The following CSMD2 variants were observed in gnomAD, a reference collection of about 807,000 sequenced individuals.
CSMD2 encodes CUB and sushi domain-containing protein 2.
CSMD2 carries 130 observed loss-of-function variants against 398.5 expected under a neutral mutation model. The observed-to-expected ratio is 0.33, with a 90% CI of 0.28 to 0.38. CSMD2 has a LOEUF of 0.38. CSMD2 is among the 10% of genes least tolerant of loss of function. The pLI, the probability that CSMD2 is intolerant of heterozygous loss-of-function variation, is 1.00. For synonymous variants in CSMD2, 1,828 were observed against 1,908.5 expected (o/e 0.96, Z 1.10); for missense variants, 3,829 against 4,764.9 (o/e 0.80, Z 5.78).
chr1:33,691,965 GT>G (rs1436236226), intron 25 of CSMD2, among the ~76,000 whole-genome samples: 1 of 152,110 alleles, frequency 6.6e-6, no homozygotes, highest in Non-Finnish European at 1.5e-5. Flanking sequence ...TCAAGGCCCC[GT>G]TTTGCCAGCA....
chr1:33,965,467 CT>C (rs1645524791), intron 3 of CSMD2, among the ~76,000 whole-genome samples: 1 of 152,178 alleles, frequency 6.6e-6, no homozygotes, highest in Non-Finnish European at 1.5e-5. Flanking sequence ...TTTCAAGTTG[CT>C]CCAGCCAAGG....
At chr1:33,846,824 C>T (rs1278396682) in intron 6 of CSMD2, 60 bp downstream of exon 6, 3 of 1,078,292 alleles carry the variant, frequency 2.8e-6, no homozygotes, top group African/African-American at 3.3e-5. Context: ...GGTGATGAGC[C>T]CTCCAGGTGT....
chr1:33,700,594 C>T lies in CSMD2; in HGVS notation c.3656G>A (p.Ser1219Asn), dbSNP rs1428292249. 6.2e-7 allele frequency: 1 copy of T among 1,614,162 alleles called. No homozygotes were observed. Among genetic ancestry groups the T allele is most frequent in the South Asian group, 1.1e-5 (1 of 91,080 alleles). ...HSEMMGVTLN[S>N]TSSSLWLDFI... Reference sequence around the variant, plus strand: ...ATCAAGCCACAGACTGCTGGATGTGCTGTTCAAAGTCACCCCCATCATCTC... The same window carrying T: ...ATCAAGCCACAGACTGCTGGATGTGTTGTTCAAAGTCACCCCCATCATCTC... The change falls in exon 23 of 71, where the codon AGC becomes AAC. Residue 1219 changes from serine (S) to asparagine (N), a missense_variant. Transcript: ENST00000373381.
intron 3 of CSMD2, among the ~76,000 whole-genome samples, chr1:33,987,381 T>A (rs1646395967): frequency 6.6e-6 from 1 of 152,152 alleles, no homozygotes; most frequent in Admixed American, 6.5e-5. Context: ...TTTATTACTA[T>A]CAACATTTAG....
intron 5 of CSMD2, among the ~76,000 whole-genome samples, chr1:33,882,886 T>G (rs1641334442): frequency 6.6e-6 from 1 of 152,180 alleles, no homozygotes; most frequent in Non-Finnish European, 1.5e-5. Context: ...GGATGCAGTC[T>G]AGAGCCAACA....
Position 33,935,472 on chromosome 1 carries a change from T to C in CSMD2, c.712+288A>G, listed in dbSNP as rs780508998. Among the ~76,000 whole-genome samples the C allele has an allele frequency of 5.3e-5, 8 of 152,298 alleles. No homozygotes were observed. In the Middle Eastern group the frequency reaches 0.01, roughly 194 times the overall value. Reference sequence around the variant, plus strand: ...CTGCAATAGGAAGAGAAATGATGTTTCTTCTGAGACAGGAGGGCTAGAGGT... The same window carrying C: ...CTGCAATAGGAAGAGAAATGATGTTCCTTCTGAGACAGGAGGGCTAGAGGT... On this transcript the variant is annotated intron_variant, in intron 4 of 70. Coordinates refer to ENST00000373381, the MANE Select transcript of CSMD2 (RefSeq NM_001281956.2).
intron 2 of CSMD2, among the ~76,000 whole-genome samples, chr1:34,076,484 T>C (rs1446856662): frequency 6.6e-5 from 10 of 152,194 alleles, no homozygotes; most frequent in South Asian, 2.1e-4. Flanking sequence ...CTCAACCTAG[T>C]AGATGTCATC....
At chr1:34,093,163 T>G (rs369925711) in intron 1 of CSMD2, among the ~76,000 whole-genome samples, 93 of 152,050 alleles carry the variant, frequency 6.1e-4, no homozygotes, top group African/African-American at 1.4e-3. Flanking sequence ...CACCTCACAC[T>G]GCAGGGTACT....
Position 33,521,396 on chromosome 1 carries a change from C to T in CSMD2, c.10597+67G>A. On this transcript the variant is annotated intron_variant, in intron 68 of 70. Coordinates refer to ENST00000373381, the MANE Select transcript of CSMD2 (RefSeq NM_001281956.2). ...TCAACTTCCCCAGTCCTCTACCTGA[C>T]CACGGCACACACGGTTTCTCTCCCA... 3.6e-6 allele frequency: 4 copies of T among 1,106,822 alleles called. No homozygotes were observed. In the South Asian group the frequency reaches 5.0e-5, roughly 14 times the overall value. 68.6% of individuals were successfully genotyped at this position (1,106,822 alleles called of 1,614,324 possible).
intron 55 of CSMD2, among the ~76,000 whole-genome samples, chr1:33,554,394 C>G (rs1657764041): frequency 6.6e-6 from 1 of 151,904 alleles, no homozygotes; most frequent in East Asian, 1.9e-4. Flanking sequence ...GGGGTTTCAC[C>G]ATGTTGGCCA....
intron 48 of CSMD2, among the ~76,000 whole-genome samples, chr1:33,580,067 G>A (rs1269486178): frequency 6.6e-6 from 1 of 151,690 alleles, no homozygotes; most frequent in Non-Finnish European, 1.5e-5. Flanking sequence ...AAAGGGAACT[G>A]GTGTGTGATG....
intron 25 of CSMD2, among the ~76,000 whole-genome samples, chr1:33,676,568 T>G (rs375847294): frequency 3.9e-5 from 6 of 152,116 alleles, no homozygotes; most frequent in East Asian, 1.9e-4. Flanking sequence ...CCATCCCCAT[T>G]AAGCTACCAA....
intron 4 of CSMD2, among the ~76,000 whole-genome samples, chr1:33,922,700 T>C (rs577853476): frequency 2.6e-5 from 4 of 152,184 alleles, no homozygotes; most frequent in Non-Finnish European, 5.9e-5. Context: ...TGGCAGAGGC[T>C]CAGGGGACAT....
intron 56 of CSMD2, 34 bp from the exon 57 acceptor site, chr1:33,546,253 T>G (rs1656882861): frequency 1.3e-6 from 2 of 1,585,188 alleles, no homozygotes; most frequent in Non-Finnish European, 8.6e-7. Context: ...CCCATTATTT[T>G]TCAGGGAAGA....
chr1:33,651,452 C>T (rs567478317), intron 28 of CSMD2, among the ~76,000 whole-genome samples: 7 of 152,254 alleles, frequency 4.6e-5, no homozygotes, highest in South Asian at 2.1e-4. Context: ...GCGATGCTGA[C>T]GCTCAGAATA....
chr1:34,151,479 T>G (rs995285631), intron 1 of CSMD2, among the ~76,000 whole-genome samples: 2 of 151,980 alleles, frequency 1.3e-5, no homozygotes, highest in Non-Finnish European at 2.9e-5. Context: ...CTCTCACAGA[T>G]GGCAAGGCTG....
intron 2 of CSMD2, among the ~76,000 whole-genome samples, chr1:34,058,126 T>G (rs997925768): frequency 2.6e-5 from 4 of 152,140 alleles, no homozygotes; most frequent in African/African-American, 9.7e-5. Context: ...AAGGATGGCT[T>G]GTGAGCTGGG....
intron 22 of CSMD2, among the ~76,000 whole-genome samples, chr1:33,707,695 G>GCGCACACACA (rs1172787777): frequency 4.7e-4 from 43 of 92,084 alleles, no homozygotes; most frequent in Non-Finnish European, 7.3e-4. Flanking sequence ...GCGCGCGCGC[G>GCGCACACACA]CACACACACA....
chr1:33,774,550 G>T (rs1253887817), intron 12 of CSMD2, among the ~76,000 whole-genome samples: 1 of 152,162 alleles, frequency 6.6e-6, no homozygotes, highest in African/African-American at 2.4e-5. Flanking sequence ...TGTGAGGGCT[G>T]TCACTGCAGG....
Sources: gnomAD v4.1 joint callset for allele counts (sites outside exome capture counted in the v4.1 genomes callset) on GRCh38, gnomAD v4.1.1 for gene constraint, MANE v1.5 for transcripts, NCBI Gene and HGNC (gene_info 2026-07-23, HGNC 2026-07-21) for gene names.